The following COX10 variants were observed in gnomAD, a reference collection of about 807,000 sequenced individuals.
The protein encoded by COX10 is cytochrome c oxidase assembly factor heme A:farnesyltransferase COX10.
A neutral mutation model predicts 37.3 loss-of-function variants in COX10; 27 were observed. That is an observed-to-expected ratio of 0.72 (90% confidence interval 0.53 to 1.00). COX10 has a LOEUF of 1.00. COX10 is among the 50% of genes least tolerant of loss of function. The pLI is 0.00. For synonymous variants in COX10, 222 were observed against 229.1 expected (o/e 0.97, Z 0.28); for missense variants, 475 against 563.2 (o/e 0.84, Z 1.59).
intron 6 of COX10, among the ~76,000 whole-genome samples, chr17:14,199,578 G>A (rs946829962): frequency 1.3e-5 from 2 of 152,176 alleles, no homozygotes; most frequent in East Asian, 1.9e-4. Flanking sequence ...TGAAGGAGAG[G>A]AGAGAATCCA....
At chr17:14,081,162 C>A (rs78194204) in intron 3 of COX10, among the ~76,000 whole-genome samples, 1 of 152,166 alleles carries the variant, frequency 6.6e-6, no homozygotes. Flanking sequence ...AACCTTGTGG[C>A]CTGGGAAGCC....
chr17:14,144,602 T>G (rs549424681), intron 4 of COX10, among the ~76,000 whole-genome samples: 1 of 152,314 alleles, frequency 6.6e-6, no homozygotes, highest in African/African-American at 2.4e-5. Context: ...CATTTATTTA[T>G]TGTTCTTGAA....
At chr17:14,143,017 C>T (rs1904592610) in intron 4 of COX10, among the ~76,000 whole-genome samples, 1 of 152,176 alleles carries the variant, frequency 6.6e-6, no homozygotes, top group Non-Finnish European at 1.5e-5. Flanking sequence ...CAAAGGAACT[C>T]TAGGTCCCTC....
At chr17:14,165,803 C>T (rs140674117) in intron 5 of COX10, among the ~76,000 whole-genome samples, 1 of 152,342 alleles carries the variant, frequency 6.6e-6, no homozygotes, top group African/African-American at 2.4e-5. Flanking sequence ...AAAAGTGCTA[C>T]TTCAGTGAAT....
intron 4 of COX10, among the ~76,000 whole-genome samples, chr17:14,159,465 G>T (rs1905126127): frequency 6.6e-6 from 1 of 152,180 alleles, no homozygotes; most frequent in Non-Finnish European, 1.5e-5. Flanking sequence ...AACACAGACT[G>T]CAGGATGTGA....
chr17:14,136,719 CAATT>C (rs1367785055), intron 4 of COX10, among the ~76,000 whole-genome samples: 1 of 151,798 alleles, frequency 6.6e-6, no homozygotes, highest in Non-Finnish European at 1.5e-5. Context: ...CCAATGTTAG[CAATT>C]AATTATAGTG....
rs567079851 is a variant in COX10 at position 14,069,559 on chromosome 17, G to A, written c.-47G>A. 7 of 1,609,842 alleles carry A rather than the reference G, an allele frequency of 4.3e-6. No homozygotes were observed. The Admixed American group carries it at 1.0e-4, about 23-fold the overall frequency. ...ATGGCGGCGCCCAGCGTCCCGTGAG[G>A]AGAGAGGACACAGGGATCCCGGGGA... is the stretch of plus-strand genomic sequence containing the variant. On this transcript the variant is annotated 5_prime_UTR_variant, in exon 1 of 7. Coordinates refer to ENST00000261643, the MANE Select transcript of COX10 (RefSeq NM_001303.4).
chr17:14,190,960 ACT>A (rs1332217577), intron 5 of COX10, among the ~76,000 whole-genome samples: 3 of 151,898 alleles, frequency 2.0e-5, no homozygotes, highest in Non-Finnish European at 4.4e-5. Flanking sequence ...CACACTGGTG[ACT>A]CTTGCTTGCT....
intron 5 of COX10, among the ~76,000 whole-genome samples, chr17:14,188,933 T>C (rs2142261214): frequency 6.9e-6 from 1 of 145,822 alleles, no homozygotes; most frequent in African/African-American, 2.5e-5. Context: ...CAAAAAACTA[T>C]GGCCATGAGC....
At chr17:14,105,523 T>C (rs1422309582) in intron 4 of COX10, among the ~76,000 whole-genome samples, 1 of 152,228 alleles carries the variant, frequency 6.6e-6, no homozygotes, top group East Asian at 1.9e-4. Context: ...TAAATTATTC[T>C]TTAAGGCTTA....
chr17:14,183,654 G>T (rs1342930138), intron 5 of COX10, among the ~76,000 whole-genome samples: 4 of 152,292 alleles, frequency 2.6e-5, no homozygotes, highest in African/African-American at 9.6e-5. Flanking sequence ...TAAAATTGAA[G>T]ATAAAAATAG....
At position 14,113,357 on chromosome 17, in the gene COX10, T is replaced by C. The variant is rs1310584782; in HGVS notation, c.624+11115T>C. ...TCACTCTCATACCCAACAAAACCTG[T>C]CATTGGGTTGAACTTGTCTTGACTC... On this transcript the variant is annotated intron_variant, in intron 4 of 6. Transcript: ENST00000261643. Among the ~76,000 whole-genome samples, 4 of 152,142 alleles carry C rather than the reference T, an allele frequency of 2.6e-5. No individual in the cohort carries two copies. The East Asian group carries it at 7.7e-4, about 29-fold the overall frequency.
chr17:14,119,523 T>C (rs1916185486), intron 4 of COX10, among the ~76,000 whole-genome samples: 1 of 152,156 alleles, frequency 6.6e-6, no homozygotes, highest in Non-Finnish European at 1.5e-5. Flanking sequence ...TTATAAACCT[T>C]ATTTAAAAAT....
intron 6 of COX10, among the ~76,000 whole-genome samples, chr17:14,201,464 T>C (rs942602152): frequency 2.0e-5 from 3 of 152,172 alleles, no homozygotes; most frequent in Admixed American, 6.5e-5. Context: ...AACAGCATGC[T>C]ACTCTCAGGA....
intron 6 of COX10, among the ~76,000 whole-genome samples, chr17:14,194,927 A>G (rs964763865): frequency 2.0e-5 from 3 of 152,208 alleles, no homozygotes; most frequent in South Asian, 4.1e-4. Flanking sequence ...TCTGAAAGAC[A>G]TGTATAACCA....
rs199748969 is a variant in COX10, at chr17:14,207,081, C to T, written c.1200C>T (p.Tyr400=). 3.5e-5 allele frequency: 56 copies of T among 1,614,088 alleles called. No individual in the cohort carries two copies. The highest frequency in any genetic ancestry group is 1.1e-4 in the African/African-American group (8 of 75,062). The change falls in exon 7 of 7, where the codon TAC becomes TAT. Residue 400 remains tyrosine, a synonymous_variant. Transcript: ENST00000261643. The part of the protein sequence containing the change: ...AYISYLGFRF[Y]VDADRRSSRR... ...TCTCCTACCTCGGCTTCCGCTTCTA[C>T]GTGGACGCAGACCGCAGGAGCTCGC...
intron 3 of COX10, among the ~76,000 whole-genome samples, chr17:14,086,556 G>A (rs893482950): frequency 1.2e-4 from 18 of 152,036 alleles, no homozygotes; most frequent in African/African-American, 4.3e-4. Flanking sequence ...CGCCTCTTGA[G>A]TTCTATAGTT....
At chr17:14,181,778 A>G (rs1276288106) in intron 5 of COX10, among the ~76,000 whole-genome samples, 1 of 152,156 alleles carries the variant, frequency 6.6e-6, no homozygotes, top group African/African-American at 2.4e-5. Context: ...AAGGAATTAG[A>G]AAAACATACT....
chr17:14,081,281 T>C (rs1915287904), intron 3 of COX10, among the ~76,000 whole-genome samples: 1 of 152,046 alleles, frequency 6.6e-6, no homozygotes, highest in African/African-American at 2.4e-5. Context: ...GGTGGTCAAC[T>C]GAGAAACGAC....
Sources: allele counts gnomAD v4.1 joint callset (sites outside exome capture counted in the v4.1 genomes callset), GRCh38; gene constraint gnomAD v4.1.1; transcripts MANE v1.5; gene names NCBI Gene and HGNC (gene_info 2026-07-23, HGNC 2026-07-21).